ZNF407: variants seen among roughly 807,000 people sequenced by gnomAD.
ZNF407 encodes zinc finger protein 407.
In ZNF407, 17 loss-of-function variants were observed where a neutral mutation model predicts 131.2. The ratio of observed to expected loss-of-function variants is 0.13; its 90% confidence interval spans 0.09 to 0.19. The LOEUF (loss-of-function observed/expected upper bound fraction) is 0.19, where lower values mean the gene tolerates loss of function less well. Among genes scored for constraint, ZNF407 ranks in the 10% least tolerant of loss-of-function variants. The pLI is 1.00. For synonymous variants in ZNF407, 1,156 were observed against 1,062.0 expected, an observed-to-expected ratio of 1.09 and a Z score of -1.72; for missense variants, 2,681 against 2,830.6, an observed-to-expected ratio of 0.95 and a Z score of 1.20.
intron 7 of ZNF407, among the ~76,000 whole-genome samples, chr18:74,916,361 C>T (rs1267139623): frequency 5.1e-5 from 3 of 58,488 alleles, no homozygotes; most frequent in Non-Finnish European, 9.0e-5. Flanking sequence ...TGTGTGCGTG[C>T]ATGTGTGTGC....
intron 4 of ZNF407, among the ~76,000 whole-genome samples, chr18:74,818,250 T>C (rs900367070): frequency 9.8e-5 from 15 of 152,308 alleles, no homozygotes; most frequent in African/African-American, 3.4e-4. Flanking sequence ...GCAGGCATTC[T>C]CTCTCGAGCA....
chr18:74,705,730 A>G (rs1361343525), intron 3 of ZNF407, among the ~76,000 whole-genome samples: 1 of 152,218 alleles, frequency 6.6e-6, no homozygotes, highest in Non-Finnish European at 1.5e-5. Flanking sequence ...TCTTGTAAAT[A>G]GAAAACAAAT....
At chr18:74,737,412 A>C (rs748074682) in intron 3 of ZNF407, among the ~76,000 whole-genome samples, 1 of 152,378 alleles carries the variant, frequency 6.6e-6, no homozygotes, top group South Asian at 2.1e-4. Flanking sequence ...CTTTGCTAAA[A>C]GCTAAACTAA....
intron 8 of ZNF407, chr18:75,061,299 C>G (rs1056978064): frequency 1.3e-5 from 2 of 152,146 alleles, no homozygotes; most frequent in Non-Finnish European, 2.9e-5. Context: ...GGTCACCTAT[C>G]GATCATTCTC....
At chr18:74,851,020 G>C (rs964274671) in intron 4 of ZNF407, among the ~76,000 whole-genome samples, 1 of 152,210 alleles carries the variant, frequency 6.6e-6, no homozygotes, top group Non-Finnish European at 1.5e-5. Context: ...CTTTTTGCCT[G>C]TCTGCTGTTA....
intron 4 of ZNF407, among the ~76,000 whole-genome samples, chr18:74,808,237 C>T (rs1970142953): frequency 6.6e-6 from 1 of 152,200 alleles, no homozygotes; most frequent in African/African-American, 2.4e-5. Context: ...TGGTCTCGAA[C>T]TCCTGACCTC....
chr18:74,991,658 T>C (rs974490987), intron 8 of ZNF407, among the ~76,000 whole-genome samples: 3 of 152,230 alleles, frequency 2.0e-5, no homozygotes. Context: ...GGGCTTTCCA[T>C]ATATATTATG....
chr18:74,670,923 C>T (rs1986115228), intron 3 of ZNF407, among the ~76,000 whole-genome samples: 1 of 152,230 alleles, frequency 6.6e-6, no homozygotes, highest in Non-Finnish European at 1.5e-5. Flanking sequence ...ATTTCTGCTT[C>T]CCAGCTTGCT....
chr18:74,776,233 A>G (rs1368607746), intron 3 of ZNF407, among the ~76,000 whole-genome samples: 2 of 152,166 alleles, frequency 1.3e-5, no homozygotes, highest in African/African-American at 4.8e-5. Flanking sequence ...CCTAAGGGGA[A>G]CGGGCCTTCA....
chr18:74,965,465 C>G (rs554994066), intron 8 of ZNF407, among the ~76,000 whole-genome samples: 58 of 152,232 alleles, frequency 3.8e-4, no homozygotes, highest in African/African-American at 1.3e-3. Flanking sequence ...CCAGTTCTAT[C>G]CATGTTATTG....
At chr18:74,644,050 A>G (rs550825700) in intron 3 of ZNF407, among the ~76,000 whole-genome samples, 77 of 152,128 alleles carry the variant, frequency 5.1e-4, no homozygotes, top group African/African-American at 1.7e-3. Flanking sequence ...TGTGTACTCA[A>G]GGTTTACCTG....
chr18:74,633,706 G>A lies in ZNF407; in HGVS notation c.2687G>A (p.Arg896His), dbSNP rs781300976. 3.1e-6 allele frequency: 5 copies of A among 1,613,932 alleles called. No individual in the cohort carries two copies. The highest frequency in any genetic ancestry group is 4.2e-6 in the Non-Finnish European group (5 of 1,179,888). The change falls in exon 2 of 9, where the codon CGT becomes CAT. Residue 896 changes from arginine to histidine, a missense_variant. Coordinates refer to ENST00000299687, the MANE Select transcript of ZNF407 (RefSeq NM_017757.3). ...YYTVTKGDMERHCATKKHKGR... is the reference protein window; with the variant it reads ...YYTVTKGDMEHHCATKKHKGR... ...ACTGTAACTAAGGGAGATATGGAACGTCATTGTGCCACCAAGAAACATAAA... is the reference window on the plus strand; with the variant it reads ...ACTGTAACTAAGGGAGATATGGAACATCATTGTGCCACCAAGAAACATAAA...
chr18:74,942,102 C>T (rs1972106084), intron 8 of ZNF407, among the ~76,000 whole-genome samples: 1 of 152,136 alleles, frequency 6.6e-6, no homozygotes, highest in Admixed American at 6.5e-5. Context: ...AAGTTCTTTG[C>T]AAACCATTTA....
At chr18:74,893,243 T>A (rs1160180366) in intron 7 of ZNF407, among the ~76,000 whole-genome samples, 1 of 152,208 alleles carries the variant, frequency 6.6e-6, no homozygotes, top group Admixed American at 6.5e-5. Context: ...AAAAGACTTA[T>A]GACATTGAAA....
chr18:74,927,076 T>G (rs1971923676), intron 8 of ZNF407, among the ~76,000 whole-genome samples: 1 of 152,230 alleles, frequency 6.6e-6, no homozygotes, highest in African/African-American at 2.4e-5. Context: ...GCTATCACAT[T>G]TTACCTTTTC....
intron 3 of ZNF407, among the ~76,000 whole-genome samples, chr18:74,750,971 A>T (rs538525311): frequency 9.2e-5 from 14 of 152,170 alleles, no homozygotes; most frequent in African/African-American, 2.6e-4. Context: ...TATATTGCCT[A>T]TTTTATATAT....
At chr18:74,716,957 C>A (rs926898201) in intron 3 of ZNF407, among the ~76,000 whole-genome samples, 1 of 152,088 alleles carries the variant, frequency 6.6e-6, no homozygotes, top group African/African-American at 2.4e-5. Flanking sequence ...AAACTGTAAT[C>A]GCAAATATGT....
intron 8 of ZNF407, among the ~76,000 whole-genome samples, chr18:74,928,649 G>T (rs1460030656): frequency 6.6e-6 from 1 of 152,154 alleles, no homozygotes; most frequent in East Asian, 1.9e-4. Flanking sequence ...GAGTCAGGTG[G>T]GAGTTGAATA....
At chr18:74,823,264 A>G (rs1345555881) in intron 4 of ZNF407, among the ~76,000 whole-genome samples, 1 of 152,242 alleles carries the variant, frequency 6.6e-6, no homozygotes, top group Admixed American at 6.5e-5. Context: ...AACATAGGAA[A>G]TTGTAAAGAC....
Sources: gnomAD v4.1 joint callset for allele counts (sites outside exome capture counted in the v4.1 genomes callset) on GRCh38, gnomAD v4.1.1 for gene constraint, MANE v1.5 for transcripts, NCBI Gene and HGNC (gene_info 2026-07-23, HGNC 2026-07-21) for gene names.